ACTN4: variants seen among roughly 807,000 people sequenced by gnomAD.
ACTN4 encodes alpha-actinin-4.
ACTN4 carries 18 observed loss-of-function variants against 114.2 expected under a neutral mutation model. The ratio of observed to expected loss-of-function variants is 0.16; its 90% CI spans 0.11 to 0.23. The LOEUF (loss-of-function observed/expected upper bound fraction) is 0.23. Ranked by LOEUF, ACTN4 falls within the 10% of genes least tolerant of loss-of-function variation. The pLI is 1.00. For synonymous variants in ACTN4, 515 were observed against 506.3 expected (o/e 1.02, Z -0.23); for missense variants, 722 against 1,262.9 (o/e 0.57, Z 6.49).
chr19:38,731,145 C>T lies in ACTN4; in HGVS notation c.*1713C>T, dbSNP rs139019209. ...GAGGTGGGCCACACAGGACACGAAC[C>T]GCTCGAAGTCCACACGCAGACGGCT... On this transcript the variant is annotated 3_prime_UTR_variant, in exon 21 of 21. Transcript: ENST00000252699. The T allele has an allele frequency of 1.6e-4, 258 of 1,613,024 alleles. 1 individual carries two copies. Among genetic ancestry groups the T allele is most frequent in the Middle Eastern group, 1.2e-3 (7 of 6,048 alleles).
At chr19:38,715,927 G>A (rs1192304943) in intron 9 of ACTN4, among the ~76,000 whole-genome samples, 1 of 152,184 alleles carries the variant, frequency 6.6e-6, no homozygotes, top group Non-Finnish European at 1.5e-5. Context: ...TTGAGATGGA[G>A]TTTCACTCTT....
intron 1 of ACTN4, among the ~76,000 whole-genome samples, chr19:38,673,705 ATATT>A (rs1382517946): frequency 1.2e-5 from 1 of 84,024 alleles, no homozygotes; most frequent in Admixed American, 1.6e-4. Flanking sequence ...ATATATTTAT[ATATT>A]TATATATTTA....
Position 38,731,345 on chromosome 19 carries a change from C to G in ACTN4, c.*1913C>G, listed in dbSNP as rs1447987284. On this transcript the variant is annotated 3_prime_UTR_variant, in exon 21 of 21. Coordinates refer to ENST00000252699, the MANE Select transcript of ACTN4 (RefSeq NM_004924.6). The stretch of plus-strand genomic sequence containing the variant: ...AGGGTGTCACACCCCAACTCTGCCC[C>G]ATCCCGGCAGGGTGAGTACAGGCTG... The G allele has an allele frequency of 1.4e-6, 1 of 736,250 alleles. No homozygotes were observed. The allele number at this position is 736,250 out of a possible 1,614,324, so 45.6% of individuals were successfully genotyped here.
At position 38,730,393 on chromosome 19, in the gene ACTN4, C is replaced by G. The variant is rs796177222; in HGVS notation, c.*961C>G. ...CCAGAGGTGGAGGTGGGCTGATGGC[C>G]TGGCTGCCTGGTGGTTGATGGTTTT... On this transcript the variant is annotated 3_prime_UTR_variant, in exon 21 of 21. Coordinates refer to ENST00000252699, the MANE Select transcript of ACTN4 (RefSeq NM_004924.6). 4.8e-5 allele frequency: 9 copies of G among 187,342 alleles called. No homozygotes were observed. Among genetic ancestry groups the G allele is most frequent in the African/African-American group, 1.9e-4 (8 of 41,986 alleles). The allele number at this position is 187,342 out of a possible 1,614,324, so 11.6% of individuals were successfully genotyped here.
At chr19:38,666,589 G>A (rs1248023458) in intron 1 of ACTN4, among the ~76,000 whole-genome samples, 4 of 152,246 alleles carry the variant, frequency 2.6e-5, no homozygotes, top group Non-Finnish European at 5.9e-5. Context: ...GTGGGAGCCC[G>A]CTCGGAGACA....
chr19:38,697,132 GAGA>G (rs1317797473), intron 1 of ACTN4, among the ~76,000 whole-genome samples: 4 of 152,246 alleles, frequency 2.6e-5, no homozygotes, highest in Admixed American at 1.3e-4. Context: ...TTACTACCCA[GAGA>G]AGATGAGCAC....
intron 1 of ACTN4, among the ~76,000 whole-genome samples, chr19:38,685,067 T>G (rs948953277): frequency 6.6e-6 from 1 of 152,134 alleles, no homozygotes; most frequent in African/African-American, 2.4e-5. Flanking sequence ...TGCCTCAGAC[T>G]CCCAAGTAGC....
chr19:38,718,904 T>TGCTGCCGGACC (rs1423002188), intron 11 of ACTN4, among the ~76,000 whole-genome samples: 8 of 152,346 alleles, frequency 5.3e-5, no homozygotes, highest in Admixed American at 1.3e-4. Flanking sequence ...CTCCTGGGCC[T>TGCTGCCGGACC]GCTGCCGGAC....
intron 1 of ACTN4, among the ~76,000 whole-genome samples, chr19:38,665,866 C>T (rs1305483871): frequency 2.0e-5 from 3 of 152,182 alleles, no homozygotes; most frequent in African/African-American, 7.2e-5. Flanking sequence ...CCCTGGGTCC[C>T]CTTCCCCGCA....
At chr19:38,721,808 C>T (rs1338365200) in intron 12 of ACTN4, 120 bp downstream of exon 12, 1 of 1,405,458 alleles carries the variant, frequency 7.1e-7, no homozygotes, top group African/African-American at 1.4e-5. Flanking sequence ...CCCCAGTGCC[C>T]CAACTGCACC....
At chr19:38,728,442 TCCTCCTCCCCCC>T (rs1193706281) in intron 19 of ACTN4, 7 of 874,854 alleles carry the variant, frequency 8.0e-6, no homozygotes, top group Admixed American at 5.6e-5. Flanking sequence ...CTCCTCCTCC[TCCTCCTCCCCCC>T]CACCTCTCCC....
Position 38,673,747 on chromosome 19 carries a change from A to ATATATG in ACTN4, c.162+25845_162+25846insGTATAT, listed in dbSNP as rs1568691106. Among the ~76,000 whole-genome samples the ATATATG allele has an allele frequency of 3.4e-5, 3 of 88,312 alleles. No individual in the cohort carries two copies. The East Asian group carries it at 9.2e-4, about 27-fold the overall frequency. 57.9% of individuals were successfully genotyped at this position (88,312 alleles called of 152,430 possible). A position where few individuals can be genotyped will look rare whatever the true frequency, so the allele number is the denominator to read the frequency against. On this transcript the variant is annotated intron_variant, in intron 1 of 20. Transcript: ENST00000252699. ...TATACTTATATATATTTATATATTT[A>ATATATG]TATATATTTTTATATATATATATTT...
chr19:38,727,889 T>A lies in ACTN4; in HGVS notation c.2338-57T>A. ...GCCCTCTGCATGTGACCCCGATCCCTCATCCTGGTCTCCACGCCGCCCCTC... is the reference window on the plus strand; with the variant it reads ...GCCCTCTGCATGTGACCCCGATCCCACATCCTGGTCTCCACGCCGCCCCTC... On this transcript the variant is annotated intron_variant, in intron 18 of 20. Coordinates refer to ENST00000252699, the MANE Select transcript of ACTN4 (RefSeq NM_004924.6). This position sits in a 1 kb window ranked among gnomAD's most constrained non-coding sequence, Gnocchi z 5.4. 1.9e-6 allele frequency: 3 copies of A among 1,552,900 alleles called. No homozygotes were observed. The highest frequency in any genetic ancestry group is 1.4e-5 in the African/African-American group (1 of 73,676).
At position 38,730,818 on chromosome 19, in the gene ACTN4, T is replaced by C. The variant is rs1217674579; in HGVS notation, c.*1386T>C. 1.3e-6 allele frequency: 2 copies of C among 1,550,296 alleles called. No individual in the cohort carries two copies. The highest frequency in any genetic ancestry group is 1.2e-5 in the South Asian group (1 of 84,072). ...GGGAGGTGGTCTTGCTCAGCAACCC[T>C]GCCCTGAGCAGCAGGTGCGCCCATC... On this transcript the variant is annotated 3_prime_UTR_variant, in exon 21 of 21. Coordinates refer to ENST00000252699, the MANE Select transcript of ACTN4 (RefSeq NM_004924.6).
chr19:38,705,029 C>A lies in ACTN4; in HGVS notation c.484+9C>A. ...GGACATCTCCGTGGAAGGTGACAGCCACCTGTACTGCCCCCGCTTCCCACC... is the reference window on the plus strand; with the variant it reads ...GGACATCTCCGTGGAAGGTGACAGCAACCTGTACTGCCCCCGCTTCCCACC... On this transcript the variant is annotated intron_variant, in intron 4 of 20. Transcript: ENST00000252699. The A allele has an allele frequency of 1.2e-6, 2 of 1,612,950 alleles. No homozygotes were observed. Among genetic ancestry groups the A allele is most frequent in the South Asian group, 2.2e-5 (2 of 91,062 alleles).
At chr19:38,671,393 A>G (rs1002182869) in intron 1 of ACTN4, among the ~76,000 whole-genome samples, 10 of 152,228 alleles carry the variant, frequency 6.6e-5, no homozygotes, top group African/African-American at 2.2e-4. Flanking sequence ...AACCTGGTGA[A>G]CAATGCCAGC....
At chr19:38,685,186 C>T (rs1355625571) in intron 1 of ACTN4, among the ~76,000 whole-genome samples, 1 of 152,138 alleles carries the variant, frequency 6.6e-6, no homozygotes, top group African/African-American at 2.4e-5. Flanking sequence ...CCTCGTGATC[C>T]ACCCACCTTG....
At chr19:38,700,235 G>A (rs1024049356) in intron 1 of ACTN4, among the ~76,000 whole-genome samples, 2 of 152,120 alleles carry the variant, frequency 1.3e-5, no homozygotes, top group African/African-American at 4.8e-5. Context: ...AGCCGGCGGC[G>A]GGCTGAGGCG....
At chr19:38,671,704 A>C (rs1329970864) in intron 1 of ACTN4, among the ~76,000 whole-genome samples, 1 of 152,238 alleles carries the variant, frequency 6.6e-6, no homozygotes. Flanking sequence ...ATTTTTTCCT[A>C]AACTCTAATT....
Sources: gnomAD v4.1 joint callset for allele counts (sites outside exome capture counted in the v4.1 genomes callset) on GRCh38, gnomAD v4.1.1 for gene constraint, Gnocchi (gnomAD v3.1) non-coding constraint, MANE v1.5 for transcripts, NCBI Gene and HGNC (gene_info 2026-07-23, HGNC 2026-07-21) for gene names.